ENTPD4: variants seen among roughly 807,000 people sequenced by gnomAD.
The protein encoded by ENTPD4 is Golgi UDPase.
In ENTPD4, 60 loss-of-function variants were observed where a neutral mutation model predicts 79.1. The observed-to-expected ratio is 0.76, with a 90% CI of 0.62 to 0.94. The LOEUF is 0.94. Ranked by LOEUF, ENTPD4 falls within the 40% of genes least tolerant of loss-of-function variation. The pLI is 0.00. For synonymous variants in ENTPD4, 276 were observed against 292.0 expected (o/e 0.95, Z 0.56); for missense variants, 772 against 775.1 (o/e 1.00, Z 0.05).
At chr8:23,444,663 G>A (rs972556740) in intron 4 of ENTPD4, 57 bp from the exon 5 acceptor site, 2 of 1,510,792 alleles carry the variant, frequency 1.3e-6, no homozygotes, top group Non-Finnish European at 1.8e-6. Flanking sequence ...AACATGTGAT[G>A]TTTCTTCAGA....
At chr8:23,438,032 A>G (rs1329595010) in intron 9 of ENTPD4, among the ~76,000 whole-genome samples, 1 of 152,244 alleles carries the variant, frequency 6.6e-6, no homozygotes, top group African/African-American at 2.4e-5. Context: ...TCCATTGTAC[A>G]ATGGGCTCTG....
chr8:23,452,289 A>G (rs1391033317), intron 1 of ENTPD4, among the ~76,000 whole-genome samples: 1 of 152,204 alleles, frequency 6.6e-6, no homozygotes, highest in Non-Finnish European at 1.5e-5. Context: ...CAAGAAGTCA[A>G]GTTTTAGAGT....
In ENTPD4 at chr8:23,429,651, C is replaced by T; in HGVS notation, c.*3275G>A. 1 of 985,332 alleles carries T rather than the reference C, an allele frequency of 1.0e-6. No homozygotes were observed. Among genetic ancestry groups the T allele is most frequent in the Non-Finnish European group, 1.2e-6 (1 of 829,882 alleles). The allele number at this position is 985,332 out of a possible 1,614,324, so 61.0% of individuals were successfully genotyped here. On this transcript the variant is annotated 3_prime_UTR_variant, in exon 13 of 13. Coordinates refer to ENST00000358689, the MANE Select transcript of ENTPD4 (RefSeq NM_004901.5). Reference sequence around the variant, plus strand: ...TTTAAAATGTAAATATCTGTTTATCCAGAGTTTGTTAATCTAGAGTACACA... The same window carrying T: ...TTTAAAATGTAAATATCTGTTTATCTAGAGTTTGTTAATCTAGAGTACACA...
chr8:23,439,930 A>AT lies in ENTPD4; in HGVS notation c.883-16dup. On this transcript the variant is annotated splice_polypyrimidine_tract_variant and intron_variant, in intron 8 of 12. Transcript: ENST00000358689. ...GCTACTTCTTCCTGCAGACATAAGCATAACAAACCTTAATAGCTTAAGCTA... is the reference window on the plus strand; with the variant it reads ...GCTACTTCTTCCTGCAGACATAAGCATTAACAAACCTTAATAGCTTAAGCTA... 6.2e-7 allele frequency: 1 copy of AT among 1,611,800 alleles called. No individual in the cohort carries two copies. Among genetic ancestry groups the AT allele is most frequent in the Admixed American group, 1.7e-5 (1 of 59,988 alleles).
intron 12 of ENTPD4, 39 bp downstream of exon 12, chr8:23,434,278 G>A: frequency 1.2e-6 from 2 of 1,606,170 alleles, no homozygotes; most frequent in Non-Finnish European, 1.7e-6. Flanking sequence ...CTGCAGAAAA[G>A]CATCTTTTTG....
At chr8:23,444,371 A>G in intron 5 of ENTPD4, 85 bp downstream of exon 5, 1 of 1,136,868 alleles carries the variant, frequency 8.8e-7, no homozygotes, top group South Asian at 1.4e-5. Context: ...ATGATGATGG[A>G]GAGGAGAAGG....
intron 10 of ENTPD4, 127 bp downstream of exon 10, chr8:23,436,807 C>A: frequency 1.3e-6 from 1 of 778,844 alleles, no homozygotes. Context: ...AACAGGATCC[C>A]AACATGCTGC....
In ENTPD4 at chr8:23,441,568, C is replaced by A; in HGVS notation, c.882+1G>T. The A allele has an allele frequency of 6.2e-7, 1 of 1,613,830 alleles. No homozygotes were observed. Among genetic ancestry groups the A allele is most frequent in the South Asian group, 1.1e-5 (1 of 91,048 alleles). On this transcript the variant is annotated splice_donor_variant, in intron 8 of 12. Coordinates refer to ENST00000358689, the MANE Select transcript of ENTPD4 (RefSeq NM_004901.5). LOFTEE classifies it high-confidence loss of function. ...AGAAGGAAATTTGTACAGATAATGA[C>A]CTGCTGTGAGGACGCAAAGCTTACA...
intron 1 of ENTPD4, among the ~76,000 whole-genome samples, chr8:23,451,043 CAG>C (rs1240573833): frequency 2.2e-5 from 3 of 136,578 alleles, no homozygotes; most frequent in East Asian, 4.2e-4. Context: ...TTTTTTGAGA[CAG>C]AGTCTTGCTC....
intron 9 of ENTPD4, 43 bp from the exon 10 acceptor site, chr8:23,437,301 CTG>C: frequency 1.3e-6 from 2 of 1,484,590 alleles, no homozygotes; most frequent in Non-Finnish European, 1.8e-6. Flanking sequence ...CTACAGAAAA[CTG>C]TGTTTTCAGG....
At chr8:23,442,555 C>T (rs778182965) in intron 6 of ENTPD4, among the ~76,000 whole-genome samples, 8 of 151,980 alleles carry the variant, frequency 5.3e-5, no homozygotes, top group Non-Finnish European at 8.8e-5. Flanking sequence ...ATGGTGGCGG[C>T]GCCTGTAGTC....
chr8:23,432,900 G>T lies in ENTPD4; in HGVS notation c.*26C>A, dbSNP rs754593207. 3.1e-5 allele frequency: 47 copies of T among 1,536,898 alleles called. No homozygotes were observed. Among genetic ancestry groups the T allele is most frequent in the Non-Finnish European group, 4.0e-5 (45 of 1,138,350 alleles). On this transcript the variant is annotated 3_prime_UTR_variant, in exon 13 of 13. Transcript: ENST00000358689. ...TGAGGCAAAAATGGCTTTTCCTTTT[G>T]AGTCTTCGTGGAGCTGTGAGCTGGA...
rs543109598 is a variant in ENTPD4, at chr8:23,434,314, T to C, written c.1622+3A>G. The stretch of plus-strand genomic sequence containing the variant: ...ATTCTCGTTCCCAAATTCACAGCCC[T>C]ACCTTAATGGTAGAAAGCGGGTCCT... On this transcript the variant is annotated splice_donor_region_variant and intron_variant, in intron 12 of 12. Transcript: ENST00000358689. The C allele has an allele frequency of 8.7e-6, 14 of 1,613,610 alleles. No homozygotes were observed. The highest frequency in any genetic ancestry group is 2.2e-5 in the South Asian group (2 of 91,074).
intron 1 of ENTPD4, among the ~76,000 whole-genome samples, chr8:23,453,173 G>GA (rs1354535237): frequency 1.3e-5 from 2 of 152,096 alleles, no homozygotes; most frequent in African/African-American, 2.4e-5. Flanking sequence ...TGACAAAGGG[G>GA]AAAAAATCAC....
In ENTPD4 at chr8:23,432,558, G is replaced by C. The variant is rs1482821612; in HGVS notation, c.*368C>G. ...CTGTCGCCCAGGCTGGAGTGCAGTG[G>C]TGTGATCTCGGCTCACTGCAAGCTC... is the stretch of plus-strand genomic sequence containing the variant. On this transcript the variant is annotated 3_prime_UTR_variant, in exon 13 of 13. Transcript: ENST00000358689. 4.8e-6 allele frequency: 4 copies of C among 834,546 alleles called. No homozygotes were observed. Among genetic ancestry groups the C allele is most frequent in the Non-Finnish European group, 5.8e-6 (4 of 685,164 alleles). The allele number at this position is 834,546 out of a possible 1,614,324, so 51.7% of individuals were successfully genotyped here. A position where few individuals can be genotyped will look rare whatever the true frequency, so the allele number is the denominator to read the frequency against.
At position 23,432,692 on chromosome 8, in the gene ENTPD4, G is replaced by C. The variant is rs928262203; in HGVS notation, c.*234C>G. The C allele has an allele frequency of 1.1e-6, 1 of 928,348 alleles. No individual in the cohort carries two copies. The highest frequency in any genetic ancestry group is 1.5e-6 in the Non-Finnish European group (1 of 689,094). The allele number at this position is 928,348 out of a possible 1,614,324, so 57.5% of individuals were successfully genotyped here. On this transcript the variant is annotated 3_prime_UTR_variant, in exon 13 of 13. Transcript: ENST00000358689. The stretch of plus-strand genomic sequence containing the variant: ...TTTTTGTATTTTTAGTAGAGACGGG[G>C]TTTCACCGTGTTAGCCAGGATGGTC...
At position 23,430,130 on chromosome 8, in the gene ENTPD4, G is replaced by C. The variant is rs1309609952; in HGVS notation, c.*2796C>G. The C allele has an allele frequency of 1.0e-6, 1 of 985,240 alleles. No homozygotes were observed. Among genetic ancestry groups the C allele is most frequent in the East Asian group, 1.1e-4 (1 of 8,822 alleles). The allele number at this position is 985,240 out of a possible 1,614,324, so 61.0% of individuals were successfully genotyped here. A position where few individuals can be genotyped will look rare whatever the true frequency, so the allele number is the denominator to read the frequency against. ...TTCTCTTGAATTAAGATCCTCCCTG[G>C]CTTGTCTCTCACCCACCCTGTATCT... is the stretch of plus-strand genomic sequence containing the variant. On this transcript the variant is annotated 3_prime_UTR_variant, in exon 13 of 13. Transcript: ENST00000358689.
rs776281230 is a variant in ENTPD4 at position 23,437,158 on chromosome 8, T to C, written c.1150A>G (p.Ile384Val). 7 of 1,614,084 alleles carry C rather than the reference T, an allele frequency of 4.3e-6. No individual in the cohort carries two copies. The highest frequency in any genetic ancestry group is 4.5e-5 in the East Asian group (2 of 44,900). The part of the protein sequence containing the change: ...KDEIQQNGQT[I>V]YLRGTGDFDL... ...AAGTCTCCAGTCCCTCGTAGGTATA[T>C]GGTTTGTCCATTTTGCTGGATTTCA... is the stretch of plus-strand genomic sequence containing the variant. Residue 384 changes from isoleucine to valine, a missense_variant, in exon 10 of 13, where the codon ATA becomes GTA. Transcript: ENST00000358689.
chr8:23,431,042 CAGCT>C lies in ENTPD4; in HGVS notation c.*1880_*1883del. 1.1e-6 allele frequency: 1 copy of C among 902,718 alleles called. No homozygotes were observed. The highest frequency in any genetic ancestry group is 1.3e-6 in the Non-Finnish European group (1 of 754,484). The allele number at this position is 902,718 out of a possible 1,614,324, so 55.9% of individuals were successfully genotyped here. A position where few individuals can be genotyped will look rare whatever the true frequency, so the allele number is the denominator to read the frequency against. On this transcript the variant is annotated 3_prime_UTR_variant, in exon 13 of 13. Coordinates refer to ENST00000358689, the MANE Select transcript of ENTPD4 (RefSeq NM_004901.5). ...TCCAGGTGAGGGAGCCATGCCCCCA[CAGCT>C]CTTGCCTCAAGGATCAGATGCATTT...
Sources: allele counts gnomAD v4.1 joint callset (sites outside exome capture counted in the v4.1 genomes callset), GRCh38; gene constraint gnomAD v4.1.1; transcripts MANE v1.5; gene names NCBI Gene and HGNC (gene_info 2026-07-23, HGNC 2026-07-21).